Variants in NSUN2 observed in about 807,000 individuals in gnomAD.
NSUN2 encodes RNA cytosine C(5)-methyltransferase NSUN2.
A neutral mutation model predicts 92.7 loss-of-function variants in NSUN2; 63 were observed. That is an observed-to-expected ratio of 0.68 (90% CI 0.56 to 0.84). NSUN2 has a LOEUF of 0.84. NSUN2 is among the 40% of genes least tolerant of loss of function. The pLI, the probability that NSUN2 is intolerant of heterozygous loss-of-function variation, is 0.00. For missense variants in NSUN2, 989 were observed against 964.9 expected, an observed-to-expected ratio of 1.02 and a Z score of -0.33; for synonymous variants, 356 against 348.3, an observed-to-expected ratio of 1.02 and a Z score of -0.25.
At chr5:6,626,359 G>A (rs1232000492) in intron 3 of NSUN2, among the ~76,000 whole-genome samples, 2 of 149,950 alleles carry the variant, frequency 1.3e-5, no homozygotes, top group Non-Finnish European at 3.0e-5. Context: ...GGGGAGAAAT[G>A]GGGGATACTA....
At chr5:6,629,972 T>C (rs1031269292) in intron 3 of NSUN2, among the ~76,000 whole-genome samples, 1 of 152,198 alleles carries the variant, frequency 6.6e-6, no homozygotes, top group Non-Finnish European at 1.5e-5. Context: ...TATCTATACA[T>C]TACTCAGGTA....
At chr5:6,630,643 G>T (rs952582484) in intron 3 of NSUN2, among the ~76,000 whole-genome samples, 10 of 152,222 alleles carry the variant, frequency 6.6e-5, no homozygotes, top group African/African-American at 2.4e-4. Flanking sequence ...CTGTGATAGG[G>T]ACAATGAAAA....
In NSUN2 at chr5:6,600,223, G is replaced by A. The variant is rs778129357; in HGVS notation, c.2007C>T (p.Asp669=). Residue 669 remains aspartate, a synonymous_variant, in exon 19 of 19, where the codon GAC becomes GAT. Coordinates refer to ENST00000264670, the MANE Select transcript of NSUN2 (RefSeq NM_017755.6). ...LKYEPDSANP[D]ALQCPIVLCG... is the part of the protein sequence containing the mutation. ...ATAAGACGATGGGACACTGCAGAGC[G>A]TCTGGATTCCTACAAGTGAAAGTGG... 15 of 1,612,152 alleles carry A rather than the reference G, an allele frequency of 9.3e-6. No homozygotes were observed. Among genetic ancestry groups the A allele is most frequent in the East Asian group, 2.2e-5 (1 of 44,844 alleles).
At chr5:6,623,347 A>G (rs1243061198) in intron 4 of NSUN2, 62 bp from the exon 5 acceptor site, 1 of 1,432,848 alleles carries the variant, frequency 7.0e-7, no homozygotes, top group East Asian at 2.3e-5. Flanking sequence ...AGACAATTTC[A>G]ATCTTTGGCA....
At chr5:6,601,086 C>T (rs907897161) in intron 18 of NSUN2, among the ~76,000 whole-genome samples, 2 of 151,272 alleles carry the variant, frequency 1.3e-5, no homozygotes, top group Non-Finnish European at 2.9e-5. Context: ...TCCATTTTTC[C>T]TAATGTAAAG....
At chr5:6,605,243 C>T (rs1368371355) in intron 15 of NSUN2, 30 bp downstream of exon 15, 1 of 1,612,666 alleles carries the variant, frequency 6.2e-7, no homozygotes, top group Admixed American at 1.7e-5. Flanking sequence ...TCCCGCATCA[C>T]ACAGCACTCA....
chr5:6,601,237 A>G (rs1205725613), intron 18 of NSUN2, among the ~76,000 whole-genome samples: 2 of 152,180 alleles, frequency 1.3e-5, no homozygotes, highest in African/African-American at 2.4e-5. Context: ...AAGTGTTTAA[A>G]TATGGAAAAG....
At chr5:6,602,313 T>C (rs992808464) in intron 18 of NSUN2, 148 bp downstream of exon 18, 1 of 759,282 alleles carries the variant, frequency 1.3e-6, no homozygotes, top group African/African-American at 1.7e-5. Context: ...ATTTTGGTTC[T>C]GAAGTTTTCA....
At chr5:6,600,339 C>T in intron 18 of NSUN2, 107 bp from the exon 19 acceptor site, 1 of 993,116 alleles carries the variant, frequency 1.0e-6, no homozygotes, top group Non-Finnish European at 1.5e-6. Flanking sequence ...AAAACCCATA[C>T]CCACAAAACC....
intron 3 of NSUN2, among the ~76,000 whole-genome samples, chr5:6,628,229 T>A (rs1398076082): frequency 6.6e-6 from 1 of 152,094 alleles, no homozygotes; most frequent in Non-Finnish European, 1.5e-5. Flanking sequence ...GGGCATGTAA[T>A]CCCAGCTACC....
intron 15 of NSUN2, 200 bp downstream of exon 15, chr5:6,605,073 G>T (rs1736708935): frequency 2.8e-6 from 2 of 714,362 alleles, no homozygotes; most frequent in Admixed American, 5.5e-5. Context: ...CAGGCCACCA[G>T]ATTCAGGACT....
chr5:6,620,392 C>T, intron 6 of NSUN2, 94 bp from the exon 7 acceptor site: 1 of 949,262 alleles, frequency 1.1e-6, no homozygotes, highest in African/African-American at 1.7e-5. Context: ...CAGTGAGAAG[C>T]AGCAATCCAC....
chr5:6,632,869 G>C lies in NSUN2; in HGVS notation c.96+15C>G. ...GGAGGAGCCCCTGGCCCGCCCGCCG[G>C]GTCCCGGCTCCTACCGCCTCGCCGC... On this transcript the variant is annotated intron_variant, in intron 1 of 18. Transcript: ENST00000264670. 6.5e-7 allele frequency: 1 copy of C among 1,535,802 alleles called. No individual in the cohort carries two copies. Among genetic ancestry groups the C allele is most frequent in the Non-Finnish European group, 8.7e-7 (1 of 1,145,090 alleles).
chr5:6,604,281 G>T lies in NSUN2; in HGVS notation c.1819-5C>A. On this transcript the variant is annotated splice_region_variant and splice_polypyrimidine_tract_variant and intron_variant, in intron 16 of 18. Coordinates refer to ENST00000264670, the MANE Select transcript of NSUN2 (RefSeq NM_017755.6). Reference sequence around the variant, plus strand: ...TGGATACAATGTATATATTCCCTGTGTGAATAAAGAGAATGAGAGAACAGA... The same window carrying T: ...TGGATACAATGTATATATTCCCTGTTTGAATAAAGAGAATGAGAGAACAGA... 1 of 1,585,778 alleles carries T rather than the reference G, an allele frequency of 6.3e-7. No homozygotes were observed. The highest frequency in any genetic ancestry group is 8.6e-7 in the Non-Finnish European group (1 of 1,158,108).
chr5:6,607,435 C>A, intron 12 of NSUN2, 51 bp from the exon 13 acceptor site: 1 of 1,485,146 alleles, frequency 6.7e-7, no homozygotes, highest in South Asian at 1.3e-5. Flanking sequence ...ATTCTTTGTG[C>A]TGCTACGAAA....
chr5:6,629,523 C>T (rs955859274), intron 3 of NSUN2, among the ~76,000 whole-genome samples: 1 of 152,206 alleles, frequency 6.6e-6, no homozygotes, highest in Non-Finnish European at 1.5e-5. Flanking sequence ...CATTTCTTAT[C>T]CCGTCTCTGC....
In NSUN2 at chr5:6,604,132, A is replaced by G. The variant is rs1416991177; in HGVS notation, c.1957+6T>C. On this transcript the variant is annotated splice_donor_region_variant and intron_variant, in intron 17 of 18. Transcript: ENST00000264670. ...GTTATGTCTCTATGCATTTCCAACT[A>G]CTCACCCAGGTCCTTTGCTTGACTG... 1 of 1,611,068 alleles carries G rather than the reference A, an allele frequency of 6.2e-7. No individual in the cohort carries two copies. Among genetic ancestry groups the G allele is most frequent in the Non-Finnish European group, 8.5e-7 (1 of 1,179,014 alleles).
At chr5:6,632,075 C>T in intron 2 of NSUN2, 98 bp from the exon 3 acceptor site, 1 of 928,402 alleles carries the variant, frequency 1.1e-6, no homozygotes, top group South Asian at 1.5e-5. Context: ...AAAACTAAAA[C>T]CAACTTTTGC....
chr5:6,623,018 C>T (rs900426387), intron 5 of NSUN2, among the ~76,000 whole-genome samples, 196 bp downstream of exon 5: 10 of 135,246 alleles, frequency 7.4e-5, no homozygotes, highest in Non-Finnish European at 1.6e-4. Context: ...ATTTTCTAAA[C>T]CATAAAAATT....
Sources: allele counts gnomAD v4.1 joint callset (sites outside exome capture counted in the v4.1 genomes callset), GRCh38; gene constraint gnomAD v4.1.1; transcripts MANE v1.5; gene names NCBI Gene and HGNC (gene_info 2026-07-23, HGNC 2026-07-21).